The following TRIO variants were observed in gnomAD, a reference collection of about 807,000 sequenced individuals.
TRIO encodes the protein triple functional domain protein.
TRIO carries 58 observed loss-of-function variants against 351.9 expected under a neutral mutation model. The ratio of observed to expected loss-of-function variants is 0.16; its 90% CI spans 0.13 to 0.21. The LOEUF is 0.21. Among genes scored for constraint, TRIO ranks in the 10% least tolerant of loss-of-function variants. The pLI, the probability that TRIO is intolerant of heterozygous loss-of-function variation, is 1.00. For synonymous variants in TRIO, 1,758 were observed against 1,595.7 expected (o/e 1.10, Z -2.42); for missense variants, 3,201 against 4,027.8 (o/e 0.79, Z 5.56).
At chr5:14,368,545 T>C (rs549166119) in intron 16 of TRIO, among the ~76,000 whole-genome samples, 163 bp from the exon 17 acceptor site, 3 of 152,182 alleles carry the variant, frequency 2.0e-5, no homozygotes, top group African/African-American at 4.8e-5. Flanking sequence ...TAAAACCTTT[T>C]TTGCTAAACT....
intron 43 of TRIO, among the ~76,000 whole-genome samples, chr5:14,480,577 G>T (rs772752753): frequency 4.6e-5 from 7 of 152,170 alleles, no homozygotes; most frequent in Non-Finnish European, 1.0e-4. Context: ...ATAACCGAAG[G>T]CAGAGTCACG....
At chr5:14,328,210 A>G (rs531591438) in intron 9 of TRIO, among the ~76,000 whole-genome samples, 5 of 152,350 alleles carry the variant, frequency 3.3e-5, no homozygotes, top group South Asian at 2.1e-4. Flanking sequence ...CGCTCAATAC[A>G]TGAGTTAAAG....
intron 28 of TRIO, among the ~76,000 whole-genome samples, chr5:14,395,436 T>A (rs1747477745): frequency 6.6e-6 from 1 of 152,238 alleles, no homozygotes; most frequent in Non-Finnish European, 1.5e-5. Context: ...AACTGGTGCT[T>A]AAATTTGTAA....
At chr5:14,503,783 G>T (rs1757457602) in intron 54 of TRIO, among the ~76,000 whole-genome samples, 1 of 152,242 alleles carries the variant, frequency 6.6e-6, no homozygotes, top group Non-Finnish European at 1.5e-5. Context: ...CCCGCCACAG[G>T]CGCATCTCTG....
intron 1 of TRIO, among the ~76,000 whole-genome samples, chr5:14,202,505 A>G (rs1297803194): frequency 8.6e-5 from 13 of 151,208 alleles, no homozygotes; most frequent in Admixed American, 8.6e-4. Context: ...TCTCCATTTG[A>G]TATGCTTTGA....
intron 6 of TRIO, among the ~76,000 whole-genome samples, chr5:14,296,561 T>C (rs777422511): frequency 1.3e-5 from 2 of 152,226 alleles, no homozygotes; most frequent in Non-Finnish European, 2.9e-5. Flanking sequence ...ATTTACAGAA[T>C]ATTTTCTGTT....
chr5:14,494,288 A>C (rs1481625492), intron 49 of TRIO, among the ~76,000 whole-genome samples: 1 of 152,192 alleles, frequency 6.6e-6, no homozygotes, highest in African/African-American at 2.4e-5. Context: ...ATCCCCCTGG[A>C]ATGCCTGCTG....
Position 14,496,970 on chromosome 5 carries a change from G to A in TRIO, c.7972G>A (p.Gly2658Ser), listed in dbSNP as rs552382011. Residue 2658 changes from glycine (G) to serine (S), a missense_variant, in exon 50 of 57, where the codon GGT becomes AGT. Physicochemically the swap from Gly to Ser is moderately conservative, Grantham distance 56. Around this residue, in one of 19 missense-constraint regions of TRIO, gnomAD observed 1,089 missense variants for 954.9 expected, o/e 1.14. Coordinates refer to ENST00000344204, the MANE Select transcript of TRIO (RefSeq NM_007118.4). Reference sequence around the variant, plus strand: ...CAAAAGGGAAGGCAAGTTAGAGAACGGTTATCGGAAGTCACGGGAAGGACT... The same window carrying A: ...CAAAAGGGAAGGCAAGTTAGAGAACAGTTATCGGAAGTCACGGGAAGGACT... ...DGKREGKLEN[G>S]YRKSREGLSN... is the part of the protein sequence containing the mutation. 8.2e-5 allele frequency: 133 copies of A among 1,614,188 alleles called. 1 individual carries two copies. In the South Asian group the frequency reaches 1.3e-3, roughly 16 times the overall value.
intron 7 of TRIO, chr5:14,297,495 A>T (rs1737464658): frequency 2.2e-6 from 1 of 463,142 alleles, no homozygotes; most frequent in East Asian, 3.5e-5. Flanking sequence ...AAGTAGAAAT[A>T]AAAGTACCTG....
Position 14,461,222 on chromosome 5 carries a change from A to G in TRIO, c.5407A>G (p.Ser1803Gly), listed in dbSNP as rs1365388352. ...VKKLAHKHKKSREVRKSADAG... is the reference protein window; with the variant it reads ...VKKLAHKHKKGREVRKSADAG... ...GAAGCTGGCGCACAAGCACAAGAAGAGCCGCGAGGTCCGCAAGAGCGCCGA... is the reference window on the plus strand; with the variant it reads ...GAAGCTGGCGCACAAGCACAAGAAGGGCCGCGAGGTCCGCAAGAGCGCCGA... The change falls in exon 35 of 57, where the codon AGC becomes GGC. Residue 1803 changes from serine to glycine, a missense_variant. Physicochemically the swap from Ser to Gly is moderately conservative, Grantham distance 56. This residue lies in a region of TRIO where 193 missense variants were observed against 218.8 expected (regional missense o/e 0.88). Transcript: ENST00000344204. 2 of 1,575,668 alleles carry G rather than the reference A, an allele frequency of 1.3e-6. No individual in the cohort carries two copies. The highest frequency in any genetic ancestry group is 1.2e-5 in the South Asian group (1 of 86,188).
chr5:14,380,618 T>G (rs927924737), intron 20 of TRIO, among the ~76,000 whole-genome samples: 1 of 88,526 alleles, frequency 1.1e-5, no homozygotes. Context: ...CTATTTTTTG[T>G]TTTTTTTGTG....
At chr5:14,248,482 T>C (rs1003148354) in intron 1 of TRIO, among the ~76,000 whole-genome samples, 2 of 152,232 alleles carry the variant, frequency 1.3e-5, no homozygotes, top group East Asian at 1.9e-4. Flanking sequence ...TTATGTTGAC[T>C]GTGTGGATTA....
intron 11 of TRIO, among the ~76,000 whole-genome samples, chr5:14,342,265 T>G (rs1263459798): frequency 6.6e-6 from 1 of 152,210 alleles, no homozygotes; most frequent in Non-Finnish European, 1.5e-5. Context: ...CAGGAGTATA[T>G]TGAAAACATA....
intron 31 of TRIO, among the ~76,000 whole-genome samples, chr5:14,403,350 T>TGG (rs1309672585): frequency 2.4e-5 from 2 of 84,686 alleles, no homozygotes; most frequent in African/African-American, 2.0e-4. Flanking sequence ...AGGGTGCAGC[T>TGG]TGTGAGGGTG....
rs1425562261 is a variant in TRIO at position 14,166,808 on chromosome 5, A to G, written c.157+22926A>G. ...AGTAGAAATTCATGAGAGGGGAAAAAGGAGAAAGGGAGACGGTAGATTCTT... is the reference window on the plus strand; with the variant it reads ...AGTAGAAATTCATGAGAGGGGAAAAGGGAGAAAGGGAGACGGTAGATTCTT... On this transcript the variant is annotated intron_variant, in intron 1 of 56. Transcript: ENST00000344204. Among the ~76,000 whole-genome samples, 5 of 152,286 alleles carry G rather than the reference A, an allele frequency of 3.3e-5. No homozygotes were observed. The East Asian group carries it at 5.8e-4, about 18-fold the overall frequency.
At chr5:14,313,978 G>A (rs1315622202) in intron 8 of TRIO, among the ~76,000 whole-genome samples, 2 of 152,178 alleles carry the variant, frequency 1.3e-5, no homozygotes, top group Non-Finnish European at 2.9e-5. Flanking sequence ...AGTGGACTTT[G>A]GGGAAGCAGC....
chr5:14,457,066 G>T (rs1753367190), intron 34 of TRIO, among the ~76,000 whole-genome samples: 1 of 152,196 alleles, frequency 6.6e-6, no homozygotes, highest in African/African-American at 2.4e-5. Context: ...ATAGCATGAA[G>T]AATTGAGCAT....
At chr5:14,464,385 G>A (rs1340017311) in intron 36 of TRIO, among the ~76,000 whole-genome samples, 1 of 152,116 alleles carries the variant, frequency 6.6e-6, no homozygotes. Flanking sequence ...TTACCTCGTT[G>A]AGTATTATCA....
intron 13 of TRIO, among the ~76,000 whole-genome samples, chr5:14,362,805 C>T (rs2152339702): frequency 6.6e-6 from 1 of 152,246 alleles, no homozygotes; most frequent in Admixed American, 6.5e-5. Flanking sequence ...TAAGTCCCCT[C>T]AGCCTTTTTC....
Sources: gnomAD v4.1 joint callset for allele counts (sites outside exome capture counted in the v4.1 genomes callset) on GRCh38, gnomAD v4.1.1 for gene constraint, gnomAD v4.1.1 regional missense constraint, MANE v1.5 for transcripts, NCBI Gene and HGNC (gene_info 2026-07-23, HGNC 2026-07-21) for gene names.